The following ATXN3 variants were observed in gnomAD, a reference collection of about 807,000 sequenced individuals.
ATXN3 encodes ataxin 3.
Under a neutral mutation model 58.2 loss-of-function variants are expected in ATXN3, and 28 were observed. That is an observed-to-expected ratio of 0.48 (90% CI 0.36 to 0.66). The LOEUF is 0.66. Among genes scored for constraint, ATXN3 ranks in the 30% least tolerant of loss-of-function variants. The pLI is 0.00. For missense variants in ATXN3, 321 were observed against 422.1 expected, an observed-to-expected ratio of 0.76 and a Z score of 2.10; for synonymous variants, 113 against 138.5, an observed-to-expected ratio of 0.82 and a Z score of 1.29.
At chr14:92,096,887 T>C (rs991569373) in intron 1 of ATXN3, 49 bp from the exon 2 acceptor site, 1 of 1,522,630 alleles carries the variant, frequency 6.6e-7, no homozygotes. Flanking sequence ...TAAACAGAAT[T>C]GTATAGTATC....
chr14:92,093,723 TG>T, intron 4 of ATXN3, 22 bp downstream of exon 4: 1 of 1,506,268 alleles, frequency 6.6e-7, no homozygotes. Context: ...AAGAAATGTA[TG>T]AAATGCAAAA....
chr14:92,097,124 T>C (rs1049377564), intron 1 of ATXN3, among the ~76,000 whole-genome samples: 2 of 152,208 alleles, frequency 1.3e-5, no homozygotes, highest in East Asian at 1.9e-4. Flanking sequence ...TTAGCCAGGA[T>C]GGTCTTGATC....
intron 10 of ATXN3, among the ~76,000 whole-genome samples, chr14:92,064,871 T>C (rs554127288): frequency 6.6e-6 from 1 of 152,336 alleles, no homozygotes; most frequent in Admixed American, 6.5e-5. Context: ...CAAAGGAAGT[T>C]GTAAAGATAT....
chr14:92,106,539 A>AAGATGGACT lies in ATXN3; in HGVS notation c.5_13dup (p.Ile4_Phe5insTer). The AAGATGGACT allele has an allele frequency of 6.2e-7, 1 of 1,613,304 alleles. No homozygotes were observed. The highest frequency in any genetic ancestry group is 8.5e-7 in the Non-Finnish European group (1 of 1,179,578). On this transcript the variant is annotated stop_gained, in exon 1 of 11. Coordinates refer to ENST00000644486, the MANE Select transcript of ATXN3 (RefSeq NM_004993.6). LOFTEE classifies it high-confidence loss of function. The stretch of plus-strand genomic sequence containing the variant: ...AACGCGGACACTCACTTTCTCGTGG[A>AAGATGGACT]AGATGGACTCCATGTTTATTTGTCT...
chr14:92,090,120 C>G (rs148181893), intron 5 of ATXN3, among the ~76,000 whole-genome samples: 1 of 152,138 alleles, frequency 6.6e-6, no homozygotes, highest in Non-Finnish European at 1.5e-5. Flanking sequence ...CATATAAACA[C>G]ATTTTTTTAA....
intron 1 of ATXN3, among the ~76,000 whole-genome samples, chr14:92,099,413 T>C (rs1468983636): frequency 6.6e-6 from 1 of 152,238 alleles, no homozygotes; most frequent in Admixed American, 6.5e-5. Context: ...AATAAGTAGC[T>C]TGGAGCTAGA....
rs1251731242 is a variant in ATXN3 at position 92,064,048 on chromosome 14, GTTACA to G, written c.*267_*271del. 2 of 214,352 alleles carry G rather than the reference GTTACA, an allele frequency of 9.3e-6. No individual in the cohort carries two copies. The highest frequency in any genetic ancestry group is 2.3e-5 in the African/African-American group (1 of 43,414). The allele number at this position is 214,352 out of a possible 1,614,324, so 13.3% of individuals were successfully genotyped here. A position where few individuals can be genotyped will look rare whatever the true frequency, so the allele number is the denominator to read the frequency against. The stretch of plus-strand genomic sequence containing the variant: ...AGAAAAATGCCCTAACTTTAGACAT[GTTACA>G]TATTGCACACTCAAAAAAGAAAAAG... On this transcript the variant is annotated 3_prime_UTR_variant, in exon 11 of 11. Coordinates refer to ENST00000644486, the MANE Select transcript of ATXN3 (RefSeq NM_004993.6).
intron 8 of ATXN3, 51 bp downstream of exon 8, chr14:92,082,249 T>C (rs1286710159): frequency 9.1e-6 from 14 of 1,541,640 alleles, no homozygotes; most frequent in Non-Finnish European, 1.2e-5. Context: ...CTAAGAATAA[T>C]TGGAATCAAT....
At chr14:92,054,943 G>A (rs1010377944), downstream of ATXN3, among the ~76,000 whole-genome samples, 6 of 152,266 alleles carry the variant, frequency 3.9e-5, no homozygotes, top group South Asian at 2.1e-4. Flanking sequence ...GTGCAGTGGC[G>A]TGATCTCGGC....
rs1555397062 is a variant in ATXN3 at position 92,071,010 on chromosome 14, C to CTG, written c.915_916insCA (p.Gly306GlnfsTer26). The CTG allele has an allele frequency of 1.2e-4, 175 of 1,456,906 alleles. 13 individuals carry two copies. Among genetic ancestry groups the CTG allele is most frequent in the South Asian group, 3.6e-4 (30 of 83,802 alleles). The allele number at this position is 1,456,906 out of a possible 1,614,324, so 90.2% of individuals were successfully genotyped here. On this transcript the variant is annotated frameshift_variant, in exon 10 of 11. Transcript: ENST00000644486. LOFTEE classifies it high-confidence loss of function. The stretch of plus-strand genomic sequence containing the variant: ...TGTGAACTCTGTCCTGATAGGTCCC[C>CTG]CTGCTGCTGCTGCTGCTGCTGCTGT...
At chr14:92,070,082 G>C (rs371760164) in intron 10 of ATXN3, among the ~76,000 whole-genome samples, 100 of 152,074 alleles carry the variant, frequency 6.6e-4, no homozygotes, top group Non-Finnish European at 1.2e-3. Context: ...TCAGTTTTAA[G>C]AGTTCTTTAT....
At chr14:92,087,088 G>A (rs2062760417) in intron 6 of ATXN3, among the ~76,000 whole-genome samples, 4 of 152,210 alleles carry the variant, frequency 2.6e-5, no homozygotes, top group Admixed American at 2.0e-4. Flanking sequence ...GTGTAAGGGA[G>A]AGGAAAGTGC....
chr14:92,095,525 G>A (rs1282439969), intron 3 of ATXN3, among the ~76,000 whole-genome samples: 1 of 151,760 alleles, frequency 6.6e-6, no homozygotes, highest in African/African-American at 2.4e-5. Context: ...TTACAGGTGT[G>A]AGCCACCGCG....
intron 5 of ATXN3, among the ~76,000 whole-genome samples, chr14:92,092,346 A>C (rs1207979656): frequency 6.6e-6 from 1 of 152,222 alleles, no homozygotes; most frequent in African/African-American, 2.4e-5. Context: ...CCCTCTTTCA[A>C]AGATTCAAAA....
upstream of ATXN3, among the ~76,000 whole-genome samples, chr14:92,053,206 C>T (rs1263409671): frequency 3.3e-5 from 5 of 152,252 alleles, no homozygotes; most frequent in South Asian, 2.1e-4. Context: ...GCCGAGATCA[C>T]GCCACTGATC....
At chr14:92,057,862 T>A (rs1300054478), downstream of ATXN3, among the ~76,000 whole-genome samples, 1 of 152,122 alleles carries the variant, frequency 6.6e-6, no homozygotes, top group Admixed American at 6.5e-5. Context: ...TTGACTTTTT[T>A]AAGGCAGCAT....
At chr14:92,086,684 A>C (rs1799007142) in intron 6 of ATXN3, among the ~76,000 whole-genome samples, 1 of 152,142 alleles carries the variant, frequency 6.6e-6, no homozygotes, top group Non-Finnish European at 1.5e-5. Context: ...GAAAAGGAGA[A>C]GGCACACTAG....
rs991100509 is a variant in ATXN3, at chr14:92,065,109, CACCT to C, written c.992-699_992-696del. On this transcript the variant is annotated intron_variant, in intron 10 of 10. Coordinates refer to ENST00000644486, the MANE Select transcript of ATXN3 (RefSeq NM_004993.6). ...CCTGCTATCGATTTATATTCCCACC[CACCT>C]ATCTTTTACCCACTTTCTCTAACTA... 3.3e-5 allele frequency among the ~76,000 whole-genome samples: 5 copies of C among 152,184 alleles called. 1 individual carries two copies. Among genetic ancestry groups the C allele is most frequent in the Non-Finnish European group, 7.3e-5 (5 of 68,036 alleles).
At chr14:92,070,033 C>T (rs761103772) in intron 10 of ATXN3, among the ~76,000 whole-genome samples, 2 of 152,088 alleles carry the variant, frequency 1.3e-5, no homozygotes, top group Non-Finnish European at 2.9e-5. Flanking sequence ...AATATCTTTT[C>T]AAATCCTTCA....
Sources: gnomAD v4.1 joint callset for allele counts (sites outside exome capture counted in the v4.1 genomes callset) on GRCh38, gnomAD v4.1.1 for gene constraint, MANE v1.5 for transcripts, NCBI Gene and HGNC (gene_info 2026-07-23, HGNC 2026-07-21) for gene names.